Variants in FANK1 observed in about 807,000 individuals in gnomAD.
FANK1 encodes fibronectin type 3 and ankyrin repeat domains protein 1.
FANK1 carries 44 observed loss-of-function variants against 45.3 expected under a neutral mutation model. The ratio of observed to expected loss-of-function variants is 0.97; its 90% CI spans 0.76 to 1.25. The LOEUF (loss-of-function observed/expected upper bound fraction) is 1.25. Among genes scored for constraint, FANK1 ranks in the 50% most tolerant of loss-of-function variants. The pLI, the probability that FANK1 is intolerant of heterozygous loss-of-function variation, is 0.00. For missense variants in FANK1, 391 were observed against 424.4 expected, an observed-to-expected ratio of 0.92 and a Z score of 0.69; for synonymous variants, 149 against 152.5, an observed-to-expected ratio of 0.98 and a Z score of 0.17.
chr10:125,957,755 C>T (rs1949672575), intron 1 of FANK1, among the ~76,000 whole-genome samples: 1 of 151,974 alleles, frequency 6.6e-6, no homozygotes, highest in South Asian at 2.1e-4. Flanking sequence ...AAACTCCTGG[C>T]CTCAGGTAAT....
intron 1 of FANK1, chr10:125,907,566 CCTGGGAT>C (rs1321707859): frequency 1.0e-6 from 1 of 956,322 alleles, no homozygotes; most frequent in African/African-American, 1.9e-5. Context: ...GGTTGTTACT[CCTGGGAT>C]GTGTGTGTGT....
intron 1 of FANK1, among the ~76,000 whole-genome samples, chr10:125,917,896 A>C (rs1368342985): frequency 5.9e-5 from 9 of 152,304 alleles, no homozygotes; most frequent in Non-Finnish European, 7.3e-5. Flanking sequence ...CAGGCTAGAC[A>C]ACATAGTGAG....
intron 7 of FANK1, 91 bp downstream of exon 7, chr10:126,005,140 G>A: frequency 2.1e-6 from 3 of 1,444,324 alleles, no homozygotes; most frequent in Non-Finnish European, 2.8e-6. Flanking sequence ...CCTTTGATTA[G>A]CTAACCTTAG....
Position 126,008,491 on chromosome 10 carries a change from C to T in FANK1, c.790C>T (p.Leu264=). ...GGGAAATCAGAGGGTGGCCTCTCTT[C>T]TAATTGATGCTGGGGCCAATGTGAA... ...VSGNQRVASL[L]IDAGANVNVK... Residue 264 remains leucine, a synonymous_variant, in exon 8 of 11, where the codon CTA becomes TTA. Transcript: ENST00000368693. The T allele has an allele frequency of 6.2e-7, 1 of 1,613,702 alleles. No homozygotes were observed.
intron 1 of FANK1, among the ~76,000 whole-genome samples, chr10:125,948,797 C>T (rs905027355): frequency 6.7e-5 from 10 of 150,324 alleles, no homozygotes; most frequent in African/African-American, 2.4e-4. Context: ...ATACCAAAGC[C>T]AGGCAGAGAC....
intron 1 of FANK1, among the ~76,000 whole-genome samples, chr10:125,922,472 A>G (rs1312712183): frequency 1.3e-5 from 2 of 152,224 alleles, no homozygotes; most frequent in African/African-American, 4.8e-5. Context: ...GACAGGCCGT[A>G]GCATACATAC....
intron 1 of FANK1, among the ~76,000 whole-genome samples, chr10:125,956,994 G>T (rs1388013233): frequency 4.6e-5 from 7 of 152,106 alleles, no homozygotes; most frequent in African/African-American, 1.4e-4. Context: ...AGCTAGCCGG[G>T]ACTACAGGTG....
intron 3 of FANK1, 85 bp from the exon 4 acceptor site, chr10:125,995,332 C>T (rs112238358): frequency 1.2e-5 from 15 of 1,224,512 alleles, no homozygotes; most frequent in Non-Finnish European, 1.7e-5. Context: ...GAAGATGATC[C>T]CCTGAAGGCC....
In FANK1 at chr10:125,974,637, A is replaced by AT. The variant is rs1950740895; in HGVS notation, c.14-5521dup. Among the ~76,000 whole-genome samples, 4 of 152,262 alleles carry AT rather than the reference A, an allele frequency of 2.6e-5. No homozygotes were observed. The South Asian group carries it at 8.3e-4, about 32-fold the overall frequency. On this transcript the variant is annotated intron_variant, in intron 1 of 10. Transcript: ENST00000368693. ...ATTCTGTGTTTTTCTTTGCACCTTG[A>AT]TTTCTCACCCAACAATACTTAGTGG...
At chr10:125,998,878 G>A (rs1207134606) in intron 6 of FANK1, among the ~76,000 whole-genome samples, 1 of 152,242 alleles carries the variant, frequency 6.6e-6, no homozygotes, top group Non-Finnish European at 1.5e-5. Flanking sequence ...TTGACTATTC[G>A]ACCAGTGAAC....
In FANK1 at chr10:125,940,281, C is replaced by T. The variant is rs190359985; in HGVS notation, c.14-39880C>T. ...ATTTATTGATTACTGTTTTCACTAT[C>T]TCAGCCAGAGGAATGTGGCAGGAGA... On this transcript the variant is annotated intron_variant, in intron 1 of 10. Coordinates refer to ENST00000368693, the MANE Select transcript of FANK1 (RefSeq NM_145235.5). Among the ~76,000 whole-genome samples the T allele has an allele frequency of 1.6e-4, 24 of 152,292 alleles. No homozygotes were observed. In the East Asian group the frequency reaches 4.3e-3, roughly 27 times the overall value.
chr10:125,997,282 C>A (rs1952406110), intron 5 of FANK1, 138 bp from the exon 6 acceptor site: 1 of 533,346 alleles, frequency 1.9e-6, no homozygotes, highest in Non-Finnish European at 3.2e-6. Flanking sequence ...GTTTTAAAAC[C>A]AGCTGGCTTC....
intron 1 of FANK1, among the ~76,000 whole-genome samples, chr10:125,907,893 C>T (rs909410306): frequency 1.1e-4 from 17 of 152,234 alleles, no homozygotes; most frequent in Admixed American, 9.2e-4. Flanking sequence ...CAGCTGACAC[C>T]TTGCCTGCAA....
chr10:125,951,968 T>C (rs1949263676), intron 1 of FANK1, among the ~76,000 whole-genome samples: 1 of 152,232 alleles, frequency 6.6e-6, no homozygotes, highest in South Asian at 2.1e-4. Flanking sequence ...TGGGCGTTTT[T>C]CACTGGAACA....
At chr10:125,945,394 G>A (rs1167628455) in intron 1 of FANK1, among the ~76,000 whole-genome samples, 1 of 152,184 alleles carries the variant, frequency 6.6e-6, no homozygotes, top group Non-Finnish European at 1.5e-5. Flanking sequence ...GTGGGTGCGC[G>A]CACCGTGCGC....
intron 7 of FANK1, among the ~76,000 whole-genome samples, chr10:126,007,457 A>G (rs941280429): frequency 7.2e-5 from 11 of 152,234 alleles, no homozygotes; most frequent in African/African-American, 2.7e-4. Flanking sequence ...CCCACAGGTT[A>G]GTTCTTTGCA....
chr10:125,998,750 T>C (rs901385806), intron 6 of FANK1, among the ~76,000 whole-genome samples: 1 of 151,256 alleles, frequency 6.6e-6, no homozygotes, highest in African/African-American at 2.4e-5. Context: ...ATACTTTTTT[T>C]CTGAGAAAAT....
chr10:125,996,439 T>A, intron 4 of FANK1, 111 bp from the exon 5 acceptor site: 3 of 903,722 alleles, frequency 3.3e-6, no homozygotes, highest in Non-Finnish European at 5.1e-6. Flanking sequence ...GAAATTGGAA[T>A]TTTCAGTAAA....
At chr10:125,908,879 A>G (rs563597013) in intron 1 of FANK1, among the ~76,000 whole-genome samples, 78 of 152,336 alleles carry the variant, frequency 5.1e-4, no homozygotes, top group African/African-American at 1.8e-3. Context: ...ATTTCCTGAG[A>G]TGTTCATTTG....
Sources: gnomAD v4.1 joint callset for allele counts (sites outside exome capture counted in the v4.1 genomes callset) on GRCh38, gnomAD v4.1.1 for gene constraint, MANE v1.5 for transcripts, NCBI Gene and HGNC (gene_info 2026-07-23, HGNC 2026-07-21) for gene names.